The following S100A8 variants were observed in gnomAD, a reference collection of about 807,000 sequenced individuals.
The protein encoded by S100A8 is S100 calcium binding protein A8, also known as protein S100-A8.
A neutral mutation model predicts 4.2 loss-of-function variants in S100A8; 1 was observed. That is an observed-to-expected ratio of 0.24 (90% confidence interval 0.08 to 1.12). The LOEUF is 1.12. Among genes scored for constraint, S100A8 ranks in the 50% most tolerant of loss-of-function variants. The pLI, the probability that S100A8 is intolerant of heterozygous loss-of-function variation, is 0.53. For synonymous variants in S100A8, 41 were observed against 44.7 expected (o/e 0.92, Z 0.33); for missense variants, 96 against 111.8 (o/e 0.86, Z 0.64).
the S100A8 span, chr1:153,422,003 G>T: frequency 6.6e-6 from 1 of 152,184 alleles, no homozygotes; most frequent in Non-Finnish European, 1.5e-5. Flanking sequence ...CATCTATTCG[G>T]ATATTCTGTT....
the S100A8 span, among the ~76,000 whole-genome samples, chr1:153,408,375 C>A: frequency 6.6e-6 from 1 of 152,096 alleles, no homozygotes; most frequent in East Asian, 1.9e-4. Context: ...GAAAGGGTAG[C>A]AGTGATTGCA....
At chr1:153,418,390 C>T in the S100A8 span, among the ~76,000 whole-genome samples, 26 of 151,952 alleles carry the variant, frequency 1.7e-4, no homozygotes, top group Admixed American at 1.2e-3. Flanking sequence ...GGATGGTAGG[C>T]GAAAAAGTAT....
At chr1:153,407,744 A>G in the S100A8 span, among the ~76,000 whole-genome samples, 1 of 152,190 alleles carries the variant, frequency 6.6e-6, no homozygotes, top group Non-Finnish European at 1.5e-5. Flanking sequence ...CACCTCATAC[A>G]GCCAGGTGCC....
upstream of S100A8, among the ~76,000 whole-genome samples, chr1:153,392,075 A>C (rs1662112099): frequency 6.6e-6 from 1 of 152,222 alleles, no homozygotes; most frequent in Non-Finnish European, 1.5e-5. Flanking sequence ...TGTTACAAAG[A>C]AAATATTTGT....
chr1:153,411,117 A>G, the S100A8 span, among the ~76,000 whole-genome samples: 1 of 152,204 alleles, frequency 6.6e-6, no homozygotes, highest in African/African-American at 2.4e-5. Flanking sequence ...ATAGTGTTGG[A>G]AGTTCTGGCC....
upstream of S100A8, among the ~76,000 whole-genome samples, chr1:153,391,478 G>A (rs553327326): frequency 5.9e-5 from 9 of 152,288 alleles, no homozygotes; most frequent in East Asian, 1.7e-3. Context: ...CACTCAGTGA[G>A]AACATTCCTC....
At chr1:153,392,462 G>C (rs1487375081), upstream of S100A8, among the ~76,000 whole-genome samples, 1 of 152,220 alleles carries the variant, frequency 6.6e-6, no homozygotes, top group Non-Finnish European at 1.5e-5. Context: ...ATTACCATAT[G>C]ATCCATCATT....
chr1:153,393,304 A>T (rs932171344), upstream of S100A8, among the ~76,000 whole-genome samples: 1 of 152,076 alleles, frequency 6.6e-6, no homozygotes, highest in Admixed American at 6.5e-5. Flanking sequence ...ATCCTTACCC[A>T]TCACAGCATT....
chr1:153,416,677 C>T, the S100A8 span: 1 of 296,574 alleles, frequency 3.4e-6, no homozygotes, highest in South Asian at 3.7e-5. Flanking sequence ...TGGGTCTAGG[C>T]CAGCTCTGCC....
the S100A8 span, among the ~76,000 whole-genome samples, chr1:153,404,313 C>A: frequency 6.6e-6 from 1 of 152,162 alleles, no homozygotes; most frequent in South Asian, 2.1e-4. Flanking sequence ...CTTCCCCAGC[C>A]GCTCTGTGGA....
chr1:153,399,611 T>C, the S100A8 span, among the ~76,000 whole-genome samples: 4 of 152,242 alleles, frequency 2.6e-5, no homozygotes, highest in East Asian at 1.9e-4. Flanking sequence ...CTAGGCAATA[T>C]GCATCAGATA....
the S100A8 span, among the ~76,000 whole-genome samples, chr1:153,417,044 T>G: frequency 6.6e-6 from 1 of 152,270 alleles, no homozygotes; most frequent in African/African-American, 2.4e-5. Flanking sequence ...GGCCTTGGCC[T>G]TGGCCTCAGA....
At chr1:153,413,547 T>C in the S100A8 span, among the ~76,000 whole-genome samples, 1 of 152,232 alleles carries the variant, frequency 6.6e-6, no homozygotes, top group East Asian at 1.9e-4. Context: ...TTGTCAGTTT[T>C]CATTAATTTA....
At chr1:153,420,340 C>T in the S100A8 span, 1 of 152,340 alleles carries the variant, frequency 6.6e-6, no homozygotes, top group Non-Finnish European at 1.5e-5. Context: ...CAGTGTTCAC[C>T]TGGTGTCACT....
chr1:153,414,150 CA>C, the S100A8 span, among the ~76,000 whole-genome samples: 1 of 152,022 alleles, frequency 6.6e-6, no homozygotes. Flanking sequence ...CATAATATTA[CA>C]AAACTCCTAG....
At chr1:153,410,759 C>A in the S100A8 span, among the ~76,000 whole-genome samples, 1 of 152,130 alleles carries the variant, frequency 6.6e-6, no homozygotes, top group African/African-American at 2.4e-5. Context: ...CCAAATCCAG[C>A]AGCACATCAA....
chr1:153,396,429 C>T, the S100A8 span, among the ~76,000 whole-genome samples: 2 of 152,250 alleles, frequency 1.3e-5, no homozygotes, highest in African/African-American at 2.4e-5. Context: ...TTTATTCTCT[C>T]TCACATTGAT....
At chr1:153,396,798 C>T in the S100A8 span, 1 of 152,396 alleles carries the variant, frequency 6.6e-6, no homozygotes, top group Non-Finnish European at 1.5e-5. Flanking sequence ...CAACAACCCA[C>T]CCAGGCATAC....
the S100A8 span, among the ~76,000 whole-genome samples, chr1:153,413,338 C>A: frequency 8.5e-5 from 13 of 152,250 alleles, no homozygotes; most frequent in South Asian, 2.7e-3. Context: ...AAGCCAAATC[C>A]AGCTGGCCAA....
Sources: gnomAD v4.1 joint callset for allele counts (sites outside exome capture counted in the v4.1 genomes callset) on GRCh38, gnomAD v4.1.1 for gene constraint, MANE v1.5 for transcripts, NCBI Gene and HGNC (gene_info 2026-07-23, HGNC 2026-07-21) for gene names.